Variants in VASH2 observed in about 807,000 individuals in gnomAD.
The protein encoded by VASH2 is tubulinyl-Tyr carboxypeptidase 2.
In VASH2, 28 loss-of-function variants were observed where a neutral mutation model predicts 37.2. That is an observed-to-expected ratio of 0.75 (90% CI 0.56 to 1.03). VASH2 has a LOEUF of 1.03. Among genes scored for constraint, VASH2 ranks in the 50% least tolerant of loss-of-function variants. The pLI, the probability that VASH2 is intolerant of heterozygous loss-of-function variation, is 0.00. For synonymous variants in VASH2, 188 were observed against 174.7 expected, an observed-to-expected ratio of 1.08 and a Z score of -0.60; for missense variants, 419 against 459.1, an observed-to-expected ratio of 0.91 and a Z score of 0.80.
chr1:212,977,015 G>A (rs574720686), intron 7 of VASH2, among the ~76,000 whole-genome samples: 29 of 152,164 alleles, frequency 1.9e-4, no homozygotes, highest in Admixed American at 3.3e-4. Flanking sequence ...AGAAGTGGCC[G>A]CAACAAGGTG....
At position 212,974,170 on chromosome 1, in the gene VASH2, T is replaced by C. The variant is rs952385698; in HGVS notation, c.995+100T>C. On this transcript the variant is annotated intron_variant, in intron 7 of 7. Transcript: ENST00000517399. ...AAAGCTGTGTCTTGGGCATGGCATT[T>C]GAACCTGACAGCAATCTCCAAGAGG... 2.2e-6 allele frequency: 3 copies of C among 1,394,152 alleles called. No individual in the cohort carries two copies. The African/African-American group carries it at 4.4e-5, about 20-fold the overall frequency. 86.4% of individuals were successfully genotyped at this position (1,394,152 alleles called of 1,614,324 possible). A position where few individuals can be genotyped will look rare whatever the true frequency, so the allele number is the denominator to read the frequency against.
chr1:212,954,669 C>T (rs559364698), intron 2 of VASH2, among the ~76,000 whole-genome samples: 8 of 152,206 alleles, frequency 5.3e-5, no homozygotes, highest in African/African-American at 1.2e-4. Context: ...CTGCCCACCT[C>T]GGCCTCCCAA....
rs887499307 is a variant in VASH2, at chr1:212,971,795, G to A, written c.498-785G>A. On this transcript the variant is annotated intron_variant, in intron 5 of 7. Coordinates refer to ENST00000517399, the MANE Select transcript of VASH2 (RefSeq NM_001301056.2). The surrounding 1 kb of genome is among the most constrained non-coding windows in gnomAD (Gnocchi z 4.0). ...GGGCACTTGGATTAGCTCTGGCACCGAGAGCAGCCCTTTTAAGTGTAAGGC... is the reference window on the plus strand; with the variant it reads ...GGGCACTTGGATTAGCTCTGGCACCAAGAGCAGCCCTTTTAAGTGTAAGGC... Among the ~76,000 whole-genome samples, 5 of 152,002 alleles carry A rather than the reference G, an allele frequency of 3.3e-5. No homozygotes were observed. Among genetic ancestry groups the A allele is most frequent in the African/African-American group, 4.8e-5 (2 of 41,384 alleles).
intron 7 of VASH2, among the ~76,000 whole-genome samples, chr1:212,987,243 T>C (rs767406546): frequency 3.0e-4 from 45 of 151,862 alleles, no homozygotes; most frequent in Non-Finnish European, 5.1e-4. Flanking sequence ...CTAACAATTA[T>C]ATTTTCTTTT....
rs200348397 is a variant in VASH2 at position 212,961,163 on chromosome 1, C to T, written c.277-3C>T. 6.8e-5 allele frequency: 110 copies of T among 1,613,982 alleles called. No individual in the cohort carries two copies. The highest frequency in any genetic ancestry group is 5.0e-5 in the Non-Finnish European group (59 of 1,179,994). ...ACACCTCCTCTTCTCTATTTTTCTG[C>T]AGCCTTCAATACCCCAGGTCCCAAA... On this transcript the variant is annotated splice_polypyrimidine_tract_variant and splice_region_variant and intron_variant, in intron 2 of 7. Transcript: ENST00000517399.
In VASH2 at chr1:212,965,781, A is replaced by T; in HGVS notation, c.422+3A>T. ...AGGAAAATGAGACCGCTGAGTGGGTAAGTGGTGCATGATCTATGGGCCAGA... is the reference window on the plus strand; with the variant it reads ...AGGAAAATGAGACCGCTGAGTGGGTTAGTGGTGCATGATCTATGGGCCAGA... On this transcript the variant is annotated splice_donor_region_variant and intron_variant, in intron 4 of 7. Transcript: ENST00000517399. The T allele has an allele frequency of 6.4e-7, 1 of 1,551,786 alleles. No homozygotes were observed. Among genetic ancestry groups the T allele is most frequent in the Non-Finnish European group, 8.7e-7 (1 of 1,146,626 alleles).
Position 212,979,658 on chromosome 1 carries a change from A to G in VASH2, c.995+5588A>G, listed in dbSNP as rs115274499. On this transcript the variant is annotated intron_variant, in intron 7 of 7. Coordinates refer to ENST00000517399, the MANE Select transcript of VASH2 (RefSeq NM_001301056.2). ...GGAGGATCAGTGTCACTGGGTTGACAAGAATCAGCCGAGGGGGAGGGCAGG... is the reference window on the plus strand; with the variant it reads ...GGAGGATCAGTGTCACTGGGTTGACGAGAATCAGCCGAGGGGGAGGGCAGG... 3.4e-3 allele frequency among the ~76,000 whole-genome samples: 515 copies of G among 152,302 alleles called. 4 individuals carry two copies. Among genetic ancestry groups the G allele is most frequent in the African/African-American group, 0.012 (496 of 41,568 alleles).
intron 5 of VASH2, chr1:212,968,251 G>A: frequency 1.0e-6 from 1 of 985,384 alleles, no homozygotes. Flanking sequence ...ATAAGTGAAA[G>A]GAGAAAAAGA....
chr1:212,980,746 G>A (rs12057354), intron 7 of VASH2, among the ~76,000 whole-genome samples: 1,637 of 152,326 alleles, frequency 0.011, 33 homozygotes, highest in African/African-American at 0.037. Context: ...ATTCTCCTTA[G>A]ATCCCAAATG....
intron 2 of VASH2, among the ~76,000 whole-genome samples, chr1:212,954,089 A>T (rs547384908): frequency 1.3e-5 from 2 of 151,932 alleles, no homozygotes; most frequent in African/African-American, 2.4e-5. Context: ...TTAAAAAAAA[A>T]TTTTGTAGAG....
intron 7 of VASH2, among the ~76,000 whole-genome samples, chr1:212,980,656 G>A (rs889236683): frequency 1.3e-5 from 2 of 152,164 alleles, no homozygotes; most frequent in Non-Finnish European, 2.9e-5. Flanking sequence ...GGTTGAGTAA[G>A]GGCAGAAGTT....
chr1:212,965,625 C>T, intron 3 of VASH2, 97 bp from the exon 4 acceptor site: 2 of 1,173,644 alleles, frequency 1.7e-6, no homozygotes, highest in Non-Finnish European at 2.5e-6. Flanking sequence ...CCCTCACATC[C>T]TCATCTCATT....
rs376872565 is a variant in VASH2, at chr1:212,961,124, C to T, written c.277-42C>T. The T allele has an allele frequency of 1.0e-5, 16 of 1,595,408 alleles. No individual in the cohort carries two copies. The African/African-American group carries it at 1.1e-4, about 11-fold the overall frequency. On this transcript the variant is annotated intron_variant, in intron 2 of 7. Transcript: ENST00000517399. ...TGCCCCCAGAAGCTGGGCCCCAGAG[C>T]GCCTCCTTCATAAACACCTCCTCTT...
intron 7 of VASH2, among the ~76,000 whole-genome samples, chr1:212,985,814 T>C (rs1366092542): frequency 6.6e-6 from 1 of 152,204 alleles, no homozygotes; most frequent in Non-Finnish European, 1.5e-5. Flanking sequence ...CACATACCAG[T>C]TGTCTTTTGA....
chr1:212,961,456 G>T, intron 3 of VASH2: 1 of 1,198,312 alleles, frequency 8.3e-7, no homozygotes, highest in Non-Finnish European at 1.1e-6. Context: ...GGGCAGGCTG[G>T]TTCCCCTTGA....
chr1:212,954,996 T>C (rs1292877764), intron 2 of VASH2, among the ~76,000 whole-genome samples: 2 of 152,204 alleles, frequency 1.3e-5, no homozygotes, highest in Admixed American at 1.3e-4. Context: ...AAAAGCTCCC[T>C]TTTCCAGGGG....
At chr1:212,963,318 G>C (rs1469251101) in intron 3 of VASH2, among the ~76,000 whole-genome samples, 1 of 152,190 alleles carries the variant, frequency 6.6e-6, no homozygotes, top group Admixed American at 6.5e-5. Flanking sequence ...GCGGGGACCT[G>C]CTCCCAGCCC....
intron 7 of VASH2, among the ~76,000 whole-genome samples, chr1:212,978,299 C>G (rs941614511): frequency 6.6e-6 from 1 of 152,228 alleles, no homozygotes; most frequent in Admixed American, 6.5e-5. Flanking sequence ...TAGACTGCCT[C>G]AGTTGTGAGT....
chr1:212,960,557 T>G (rs1380924032), intron 2 of VASH2, among the ~76,000 whole-genome samples: 3 of 152,224 alleles, frequency 2.0e-5, no homozygotes, highest in East Asian at 1.9e-4. Flanking sequence ...TTTATTTATT[T>G]ATCTATTTGA....
Sources: gnomAD v4.1 joint callset for allele counts (sites outside exome capture counted in the v4.1 genomes callset) on GRCh38, gnomAD v4.1.1 for gene constraint, Gnocchi (gnomAD v3.1) non-coding constraint, MANE v1.5 for transcripts, NCBI Gene and HGNC (gene_info 2026-07-23, HGNC 2026-07-21) for gene names.